Variants in COMMD10 observed in about 807,000 individuals in gnomAD.
The protein encoded by COMMD10 is COMM domain containing 10, also known as COMM domain-containing protein 10.
A neutral mutation model predicts 28.9 loss-of-function variants in COMMD10; 33 were observed. The ratio of observed to expected loss-of-function variants is 1.14; its 90% CI spans 0.87 to 1.53. The LOEUF is 1.53. Ranked by LOEUF, COMMD10 falls within the 40% of genes most tolerant of loss-of-function variation. The pLI, the probability that COMMD10 is intolerant of heterozygous loss-of-function variation, is 0.00. For synonymous variants in COMMD10, 110 were observed against 81.7 expected (o/e 1.35, Z -1.87); for missense variants, 310 against 233.4 (o/e 1.33, Z -2.14).
intron 4 of COMMD10, among the ~76,000 whole-genome samples, chr5:116,094,203 T>C (rs1350253085): frequency 6.6e-6 from 1 of 152,120 alleles, no homozygotes; most frequent in Non-Finnish European, 1.5e-5. Context: ...TTCTGTACAT[T>C]AGAGGAAACA....
chr5:116,272,917 A>G (rs1750797557), intron 5 of COMMD10, among the ~76,000 whole-genome samples: 2 of 151,784 alleles, frequency 1.3e-5, no homozygotes, highest in African/African-American at 4.9e-5. Flanking sequence ...ATGGATGTGG[A>G]TGGTCTGTCA....
chr5:116,154,451 T>C (rs1212030210), intron 5 of COMMD10, among the ~76,000 whole-genome samples: 1 of 152,140 alleles, frequency 6.6e-6, no homozygotes, highest in Non-Finnish European at 1.5e-5. Context: ...CAGTCAGTTG[T>C]GTTAGTTGAC....
chr5:116,173,097 T>G lies in COMMD10; in HGVS notation c.510+38919T>G, dbSNP rs560200238. On this transcript the variant is annotated intron_variant, in intron 5 of 6. Coordinates refer to ENST00000274458, the MANE Select transcript of COMMD10 (RefSeq NM_016144.4). ...TCTTTTAATATATAATGAAAATGTT[T>G]AGGTAGTAAATACTAAGGTTAAGGT... 7.9e-5 allele frequency among the ~76,000 whole-genome samples: 12 copies of G among 152,226 alleles called. No individual in the cohort carries two copies. The South Asian group carries it at 2.1e-3, about 26-fold the overall frequency.
At chr5:116,100,298 A>G (rs1287133734) in intron 4 of COMMD10, among the ~76,000 whole-genome samples, 1 of 152,138 alleles carries the variant, frequency 6.6e-6, no homozygotes, top group African/African-American at 2.4e-5. Context: ...TTAGTTTGAT[A>G]TAATCACACT....
chr5:116,176,568 T>C (rs193239297), intron 5 of COMMD10, among the ~76,000 whole-genome samples: 1 of 152,316 alleles, frequency 6.6e-6, no homozygotes, highest in Admixed American at 6.5e-5. Flanking sequence ...TTAATGGTTA[T>C]TTTCCTATAT....
intron 5 of COMMD10, among the ~76,000 whole-genome samples, chr5:116,274,635 T>C (rs949102824): frequency 6.6e-6 from 1 of 151,862 alleles, no homozygotes; most frequent in African/African-American, 2.4e-5. Flanking sequence ...ATTCTCATCA[T>C]TGAATTAAAA....
At chr5:116,216,050 G>A (rs925640059) in intron 5 of COMMD10, among the ~76,000 whole-genome samples, 17 of 152,054 alleles carry the variant, frequency 1.1e-4, no homozygotes, top group Admixed American at 6.5e-4. Context: ...GGGAACAGTT[G>A]TTCTGAAGTA....
intron 5 of COMMD10, among the ~76,000 whole-genome samples, chr5:116,177,303 C>T (rs1481592569): frequency 2.0e-5 from 3 of 152,000 alleles, no homozygotes; most frequent in Non-Finnish European, 4.4e-5. Context: ...CTTTCTCTCT[C>T]ATCTTCATAT....
At position 116,085,297 on chromosome 5, in the gene COMMD10, A is replaced by C; in HGVS notation, c.41+204A>C. On this transcript the variant is annotated intron_variant, in intron 1 of 6. Coordinates refer to ENST00000274458, the MANE Select transcript of COMMD10 (RefSeq NM_016144.4). ...AGCGCCTCTACAGTCACGGTGGTCC[A>C]CCTGTGGGGCTCACAGTGCGCCTGG... The C allele has an allele frequency of 1.2e-5, 7 of 571,116 alleles. No individual in the cohort carries two copies. In the South Asian group the frequency reaches 1.3e-4, roughly 10 times the overall value. 35.4% of individuals were successfully genotyped at this position (571,116 alleles called of 1,614,324 possible).
At chr5:116,095,599 G>A (rs1285875267) in intron 4 of COMMD10, among the ~76,000 whole-genome samples, 2 of 151,822 alleles carry the variant, frequency 1.3e-5, no homozygotes, top group East Asian at 1.9e-4. Flanking sequence ...TCTCTTAACA[G>A]TATCTTTCCC....
At position 116,123,927 on chromosome 5, in the gene COMMD10, A is replaced by ATT. The variant is rs143533105; in HGVS notation, c.400-10133_400-10132dup. On this transcript the variant is annotated intron_variant, in intron 4 of 6. Coordinates refer to ENST00000274458, the MANE Select transcript of COMMD10 (RefSeq NM_016144.4). ...GATTGGTGGTGATATCCCCTTTATCATTTTTTTTTATCTATTTGATTCTTC... is the reference window on the plus strand; with the variant it reads ...GATTGGTGGTGATATCCCCTTTATCATTTTTTTTTTTATCTATTTGATTCTTC... Among the ~76,000 whole-genome samples the ATT allele has an allele frequency of 2.6e-3, 395 of 150,498 alleles. 4 individuals are homozygous for ATT. The highest frequency in any genetic ancestry group is 5.6e-3 in the African/African-American group (231 of 41,082).
chr5:116,186,670 T>C (rs551176866), intron 5 of COMMD10, among the ~76,000 whole-genome samples: 1 of 152,236 alleles, frequency 6.6e-6, no homozygotes, highest in Admixed American at 6.6e-5. Flanking sequence ...TTCTAGAGAT[T>C]AGGGATCCCA....
At chr5:116,254,422 C>T (rs1356193321) in intron 5 of COMMD10, among the ~76,000 whole-genome samples, 1 of 151,048 alleles carries the variant, frequency 6.6e-6, no homozygotes, top group African/African-American at 2.5e-5. Flanking sequence ...CCTGCTTTCT[C>T]TTGTGGGCAT....
chr5:116,087,517 T>C lies in COMMD10; in HGVS notation c.62T>C (p.Leu21Pro), dbSNP rs559542713. 1 of 1,610,778 alleles carries C rather than the reference T, an allele frequency of 6.2e-7. No individual in the cohort carries two copies. The highest frequency in any genetic ancestry group is 1.7e-5 in the Admixed American group (1 of 60,014). The change falls in exon 2 of 7, where the codon CTG (leucine) becomes CCG (proline). Residue 21 changes from leucine to proline, a missense_variant. By Grantham distance (98) the Leu-to-Pro change is moderately conservative (BLOSUM62 -3). Transcript: ENST00000274458. ...ESPSMKKAVS[L>P]INAIDTGRFP... is the part of the protein sequence containing the mutation. Reference sequence around the variant, plus strand: ...TTTAGCATGAAGAAAGCAGTGTCACTGATAAATGCAATAGATACAGGAAGA... The same window carrying C: ...TTTAGCATGAAGAAAGCAGTGTCACCGATAAATGCAATAGATACAGGAAGA...
chr5:116,128,822 T>G (rs1484369854), intron 4 of COMMD10, among the ~76,000 whole-genome samples: 2 of 152,050 alleles, frequency 1.3e-5, no homozygotes, highest in African/African-American at 4.8e-5. Context: ...CCTCAATTTT[T>G]ATTTTTCTGT....
chr5:116,165,791 AC>A, intron 5 of COMMD10, among the ~76,000 whole-genome samples: 1 of 151,950 alleles, frequency 6.6e-6, no homozygotes, highest in Non-Finnish European at 1.5e-5. Flanking sequence ...TCAGTGCTGT[AC>A]CCTTGTGACC....
chr5:116,117,812 C>A (rs528382035), intron 4 of COMMD10, among the ~76,000 whole-genome samples: 1 of 152,170 alleles, frequency 6.6e-6, no homozygotes, highest in Admixed American at 6.5e-5. Flanking sequence ...TTTAAAAAAA[C>A]GTTTTGTATA....
Position 116,258,421 on chromosome 5 carries a change from A to G in COMMD10, c.511-33096A>G, listed in dbSNP as rs369230711. 3.3e-4 allele frequency among the ~76,000 whole-genome samples: 50 copies of G among 151,236 alleles called. 1 individual carries two copies. In the South Asian group the frequency reaches 9.5e-3, roughly 29 times the overall value. On this transcript the variant is annotated intron_variant, in intron 5 of 6. Transcript: ENST00000274458. Reference sequence around the variant, plus strand: ...TACTTTTTGGACACTACTATTGGACACCACCACATCTTTTTTTCTCTGGAT... The same window carrying G: ...TACTTTTTGGACACTACTATTGGACGCCACCACATCTTTTTTTCTCTGGAT...
intron 4 of COMMD10, among the ~76,000 whole-genome samples, chr5:116,133,568 A>T (rs373276834): frequency 3.9e-5 from 6 of 152,174 alleles, no homozygotes; most frequent in African/African-American, 1.2e-4. Context: ...CCATCTGGAT[A>T]CTTTAGTTTC....
Sources: allele counts gnomAD v4.1 joint callset (sites outside exome capture counted in the v4.1 genomes callset), GRCh38; gene constraint gnomAD v4.1.1; transcripts MANE v1.5; gene names NCBI Gene and HGNC (gene_info 2026-07-23, HGNC 2026-07-21).